NKAIN2: variants seen among roughly 807,000 people sequenced by gnomAD.
NKAIN2 encodes sodium/potassium-transporting ATPase subunit beta-1-interacting protein 2.
A neutral mutation model predicts 32.6 loss-of-function variants in NKAIN2; 14 were observed. That is an observed-to-expected ratio of 0.43 (90% CI 0.28 to 0.67). The LOEUF is 0.67. Ranked by LOEUF, NKAIN2 falls within the 30% of genes least tolerant of loss-of-function variation. NKAIN2 has a pLI of 0.17. For synonymous variants in NKAIN2, 80 were observed against 87.2 expected (o/e 0.92, Z 0.46); for missense variants, 198 against 258.3 (o/e 0.77, Z 1.60).
chr6:124,198,939 G>A (rs1253023138), intron 1 of NKAIN2, among the ~76,000 whole-genome samples: 2 of 152,084 alleles, frequency 1.3e-5, no homozygotes, highest in Non-Finnish European at 2.9e-5. Context: ...TTGGTTGTGT[G>A]GGACACTTTG....
chr6:124,652,215 G>A (rs1562306162), intron 3 of NKAIN2, among the ~76,000 whole-genome samples: 1 of 152,138 alleles, frequency 6.6e-6, no homozygotes, highest in Non-Finnish European at 1.5e-5. Context: ...ATCAAGGATG[G>A]CCTTTACTCC....
At chr6:124,314,047 A>G (rs1796833694) in intron 2 of NKAIN2, among the ~76,000 whole-genome samples, 1 of 152,140 alleles carries the variant, frequency 6.6e-6, no homozygotes, top group Non-Finnish European at 1.5e-5. Flanking sequence ...CACACCTTTC[A>G]GTTTTTGCTT....
At chr6:124,672,086 C>A (rs530526638) in intron 4 of NKAIN2, among the ~76,000 whole-genome samples, 1 of 151,956 alleles carries the variant, frequency 6.6e-6, no homozygotes, top group Non-Finnish European at 1.5e-5. Context: ...AAGTCTTCTA[C>A]CACTTACTAG....
chr6:124,432,341 T>C (rs577701490), intron 3 of NKAIN2, among the ~76,000 whole-genome samples: 2 of 152,326 alleles, frequency 1.3e-5, no homozygotes, highest in East Asian at 3.9e-4. Flanking sequence ...GTGTTTTCTG[T>C]TCCATAACTA....
chr6:124,805,551 G>A lies in NKAIN2; in HGVS notation c.536-12836G>A, dbSNP rs569476748. On this transcript the variant is annotated intron_variant, in intron 5 of 6. Transcript: ENST00000368417. ...ACCACAAAGATGGGGAAAAAACAGA[G>A]CAGAAAAACTGGAAACTCTAAAAAG... Among the ~76,000 whole-genome samples the A allele has an allele frequency of 2.6e-5, 4 of 152,276 alleles. No homozygotes were observed. The South Asian group carries it at 6.2e-4, about 24-fold the overall frequency.
chr6:123,845,960 A>G lies in NKAIN2; in HGVS notation c.54+41706A>G, dbSNP rs540180736. Among the ~76,000 whole-genome samples the G allele has an allele frequency of 5.3e-5, 8 of 152,270 alleles. No individual in the cohort carries two copies. In the East Asian group the frequency reaches 1.5e-3, roughly 29 times the overall value. ...TCTTTAAATACTCTATATTTTTATTACATGAACACTTTACCGGGTCTCTCT... is the reference window on the plus strand; with the variant it reads ...TCTTTAAATACTCTATATTTTTATTGCATGAACACTTTACCGGGTCTCTCT... On this transcript the variant is annotated intron_variant, in intron 1 of 6. Coordinates refer to ENST00000368417, the MANE Select transcript of NKAIN2 (RefSeq NM_001040214.3).
At chr6:124,467,380 G>GA (rs1263025244) in intron 3 of NKAIN2, among the ~76,000 whole-genome samples, 3 of 151,946 alleles carry the variant, frequency 2.0e-5, no homozygotes, top group Non-Finnish European at 4.4e-5. Context: ...TAAATAGTCT[G>GA]AAAAAATGTT....
At chr6:124,755,798 T>C (rs902867393) in intron 4 of NKAIN2, among the ~76,000 whole-genome samples, 1 of 152,144 alleles carries the variant, frequency 6.6e-6, no homozygotes, top group Non-Finnish European at 1.5e-5. Flanking sequence ...AAATAATCTG[T>C]ATGACAAACT....
intron 4 of NKAIN2, among the ~76,000 whole-genome samples, chr6:124,707,205 GTA>G (rs1562335600): frequency 6.6e-6 from 1 of 152,076 alleles, no homozygotes; most frequent in South Asian, 2.1e-4. Context: ...ATTCCATGGT[GTA>G]TATGTGCCAC....
intron 4 of NKAIN2, among the ~76,000 whole-genome samples, chr6:124,778,312 A>T (rs1779072640): frequency 6.6e-6 from 1 of 152,162 alleles, no homozygotes; most frequent in Non-Finnish European, 1.5e-5. Flanking sequence ...AGGAACGAAA[A>T]CATGGTTCTT....
intron 3 of NKAIN2, among the ~76,000 whole-genome samples, chr6:124,583,385 A>G (rs1781594360): frequency 6.6e-6 from 1 of 152,150 alleles, no homozygotes; most frequent in Non-Finnish European, 1.5e-5. Flanking sequence ...CTATAAATAA[A>G]AATAAATACC....
intron 1 of NKAIN2, among the ~76,000 whole-genome samples, chr6:123,930,253 A>T (rs972475245): frequency 1.3e-5 from 2 of 152,168 alleles, no homozygotes; most frequent in Non-Finnish European, 2.9e-5. Context: ...TTTTTAAAAA[A>T]TCCATTTTCA....
chr6:124,510,508 A>T (rs1350865402), intron 3 of NKAIN2, among the ~76,000 whole-genome samples: 1 of 152,186 alleles, frequency 6.6e-6, no homozygotes, highest in Non-Finnish European at 1.5e-5. Flanking sequence ...TTTTCCCCAA[A>T]TGTTGGAATC....
chr6:124,133,811 T>A (rs1786594563), intron 1 of NKAIN2, among the ~76,000 whole-genome samples: 1 of 151,884 alleles, frequency 6.6e-6, no homozygotes, highest in African/African-American at 2.4e-5. Context: ...CAAATTAGGC[T>A]AAAATAAACA....
intron 1 of NKAIN2, among the ~76,000 whole-genome samples, chr6:124,216,857 C>G (rs1791507113): frequency 6.6e-6 from 1 of 152,102 alleles, no homozygotes; most frequent in African/African-American, 2.4e-5. Flanking sequence ...CACCTCAAAA[C>G]AATGGTTCAT....
At chr6:124,134,426 T>C (rs972968253) in intron 1 of NKAIN2, among the ~76,000 whole-genome samples, 2 of 152,084 alleles carry the variant, frequency 1.3e-5, no homozygotes, top group Non-Finnish European at 2.9e-5. Context: ...TGGCTCATAC[T>C]TATAATTCCA....
rs1411898384 is a variant in NKAIN2, at chr6:123,992,453, T to G, written c.54+188199T>G. ...AAACAAACAAACAAACGAAACGGAATATTTCAGGGTTGCTAGAATGAATGG... is the reference window on the plus strand; with the variant it reads ...AAACAAACAAACAAACGAAACGGAAGATTTCAGGGTTGCTAGAATGAATGG... On this transcript the variant is annotated intron_variant, in intron 1 of 6. Transcript: ENST00000368417. Among the ~76,000 whole-genome samples, 7 of 152,162 alleles carry G rather than the reference T, an allele frequency of 4.6e-5. 1 individual carries two copies. The highest frequency in any genetic ancestry group is 1.0e-4 in the Non-Finnish European group (7 of 68,016).
chr6:123,833,023 A>G (rs1434394662), intron 1 of NKAIN2, among the ~76,000 whole-genome samples: 2 of 152,212 alleles, frequency 1.3e-5, no homozygotes, highest in African/African-American at 4.8e-5. Context: ...TAAAATATAA[A>G]TACCATAACC....
At chr6:124,329,786 G>T (rs1448451367) in intron 2 of NKAIN2, among the ~76,000 whole-genome samples, 1 of 152,178 alleles carries the variant, frequency 6.6e-6, no homozygotes, top group Non-Finnish European at 1.5e-5. Flanking sequence ...TGACCAATGG[G>T]TATCTGCTGA....
Sources: gnomAD v4.1 joint callset for allele counts (sites outside exome capture counted in the v4.1 genomes callset) on GRCh38, gnomAD v4.1.1 for gene constraint, MANE v1.5 for transcripts, NCBI Gene and HGNC (gene_info 2026-07-23, HGNC 2026-07-21) for gene names.